Variants in ZSWIM3 observed in about 807,000 individuals in gnomAD.
ZSWIM3 encodes the protein zinc finger SWIM domain-containing protein 3.
ZSWIM3 carries 27 observed loss-of-function variants against 47.5 expected under a neutral mutation model. The ratio of observed to expected loss-of-function variants is 0.57; its 90% CI spans 0.42 to 0.78. ZSWIM3 has a LOEUF of 0.78. Among genes scored for constraint, ZSWIM3 ranks in the 30% least tolerant of loss-of-function variants. The pLI, the probability that ZSWIM3 is intolerant of heterozygous loss-of-function variation, is 0.00. For missense variants in ZSWIM3, 689 were observed against 861.3 expected, an observed-to-expected ratio of 0.80 and a Z score of 2.50; for synonymous variants, 333 against 333.9, an observed-to-expected ratio of 1.00 and a Z score of 0.03.
intron 1 of ZSWIM3, among the ~76,000 whole-genome samples, chr20:45,860,552 CT>C (rs944361781): frequency 2.6e-5 from 4 of 151,064 alleles, no homozygotes; most frequent in Non-Finnish European, 5.9e-5. Flanking sequence ...TTTTCCTTTC[CT>C]TTTCCACCTC....
intron 1 of ZSWIM3, among the ~76,000 whole-genome samples, chr20:45,859,806 A>C (rs1985659255): frequency 6.7e-6 from 1 of 149,242 alleles, no homozygotes; most frequent in South Asian, 2.1e-4. Context: ...AAAAAAAAAA[A>C]AAAAAAAAAA....
At chr20:45,872,796 G>C (rs1232167249) in intron 1 of ZSWIM3, 5 of 1,289,236 alleles carry the variant, frequency 3.9e-6, no homozygotes, top group Admixed American at 4.6e-5. Flanking sequence ...AGCTAGAGAT[G>C]GCACCACCCC....
At chr20:45,871,874 AAAAG>A (rs1296329611) in intron 1 of ZSWIM3, among the ~76,000 whole-genome samples, 2 of 151,550 alleles carry the variant, frequency 1.3e-5, no homozygotes, top group Admixed American at 1.3e-4. Flanking sequence ...GAAAAAAAAA[AAAAG>A]AAAAAAAAAG....
intron 1 of ZSWIM3, among the ~76,000 whole-genome samples, chr20:45,869,975 C>T (rs956409817): frequency 1.4e-5 from 2 of 143,104 alleles, no homozygotes; most frequent in African/African-American, 2.6e-5. Context: ...ACCCAGGAGG[C>T]GGAGGTTACA....
intron 1 of ZSWIM3, among the ~76,000 whole-genome samples, chr20:45,861,605 C>G (rs898333599): frequency 2.0e-5 from 3 of 152,080 alleles, no homozygotes; most frequent in Admixed American, 2.0e-4. Context: ...GACAAGGTCT[C>G]GCTCTATTGC....
rs201433414 is a variant in ZSWIM3, at chr20:45,857,794, A to T, written c.-32A>T. 4.8e-5 allele frequency: 78 copies of T among 1,609,360 alleles called. No homozygotes were observed. In the East Asian group the frequency reaches 1.4e-3, roughly 29 times the overall value. On this transcript the variant is annotated 5_prime_UTR_variant, in exon 1 of 2. Transcript: ENST00000255152. ...GGTGTGATCTTGGGCCCGGGCTGGG[A>T]CCAGCCCCTAGTGTGGGTTGTGGGG...
chr20:45,874,725 AGCTAAGCACTCTGCT>A (rs532795276), intron 1 of ZSWIM3, among the ~76,000 whole-genome samples: 257 of 152,274 alleles, frequency 1.7e-3, no homozygotes, highest in African/African-American at 5.7e-3. Flanking sequence ...GGGAGTAACC[AGCTAAGCACTCTGCT>A]GCTGCTGCTT....
chr20:45,869,641 G>A (rs1985922218), intron 1 of ZSWIM3, among the ~76,000 whole-genome samples: 1 of 152,148 alleles, frequency 6.6e-6, no homozygotes, highest in African/African-American at 2.4e-5. Flanking sequence ...AAAGGTCATT[G>A]TCTCAGTGGC....
chr20:45,872,868 T>C, intron 1 of ZSWIM3: 13 of 1,232,740 alleles, frequency 1.1e-5, no homozygotes, highest in Non-Finnish European at 1.4e-5. Flanking sequence ...CCTGTTACTG[T>C]GAGACTCACA....
intron 1 of ZSWIM3, among the ~76,000 whole-genome samples, chr20:45,864,900 G>A (rs991932750): frequency 2.0e-5 from 3 of 152,140 alleles, no homozygotes; most frequent in African/African-American, 7.2e-5. Context: ...GCCGGGCGTG[G>A]TGGCTCACGC....
At position 45,876,951 on chromosome 20, in the gene ZSWIM3, G is replaced by C; in HGVS notation, c.393G>C (p.Gln131His). 1 of 1,614,052 alleles carries C rather than the reference G, an allele frequency of 6.2e-7. No individual in the cohort carries two copies. The highest frequency in any genetic ancestry group is 1.3e-5 in the African/African-American group (1 of 75,026). Residue 131 changes from glutamine (Q) to histidine (H), a missense_variant, in exon 2 of 2, where the codon CAG becomes CAC. Transcript: ENST00000255152. ...GCCTGCAGAGACTCCAGCCTGTGCA[G>C]CCCACAACCAAAAAAGACCTTGACA... is the stretch of plus-strand genomic sequence containing the variant. ...TMCLQRLQPV[Q>H]PTTKKDLDTA...
At chr20:45,861,319 G>A (rs1008285720) in intron 1 of ZSWIM3, among the ~76,000 whole-genome samples, 3 of 152,068 alleles carry the variant, frequency 2.0e-5, no homozygotes, top group South Asian at 2.1e-4. Context: ...TGGAGGCTGC[G>A]GCAGGAGGAT....
Position 45,876,581 on chromosome 20 carries a change from C to T in ZSWIM3, c.156-133C>T, listed in dbSNP as rs1437849610. 4.6e-6 allele frequency: 5 copies of T among 1,092,332 alleles called. No individual in the cohort carries two copies. The African/African-American group carries it at 7.9e-5, about 17-fold the overall frequency. 67.7% of individuals were successfully genotyped at this position (1,092,332 alleles called of 1,614,324 possible). A position where few individuals can be genotyped will look rare whatever the true frequency, so the allele number is the denominator to read the frequency against. On this transcript the variant is annotated intron_variant, in intron 1 of 1. Coordinates refer to ENST00000255152, the MANE Select transcript of ZSWIM3 (RefSeq NM_080752.4). Reference sequence around the variant, plus strand: ...CTCAGACTCCTGGGCTCAAGTGATCCTCCCACCTCAGCCTCCCAAAGTGCT... The same window carrying T: ...CTCAGACTCCTGGGCTCAAGTGATCTTCCCACCTCAGCCTCCCAAAGTGCT...
intron 1 of ZSWIM3, among the ~76,000 whole-genome samples, chr20:45,870,264 C>T (rs923125766): frequency 2.6e-5 from 4 of 151,376 alleles, no homozygotes; most frequent in South Asian, 2.1e-4. Flanking sequence ...CGCTTGAACC[C>T]GGGAGGCGGA....
chr20:45,863,960 T>A (rs527934383), intron 1 of ZSWIM3, among the ~76,000 whole-genome samples: 1 of 152,344 alleles, frequency 6.6e-6, no homozygotes, highest in South Asian at 2.1e-4. Context: ...ATGGCACCAC[T>A]GCACTCCAGC....
Position 45,878,007 on chromosome 20 carries a change from G to A in ZSWIM3, c.1449G>A (p.Gln483=), listed in dbSNP as rs1350848543. The stretch of plus-strand genomic sequence containing the variant: ...ACGCACAGCAGGTACAGGTACAGCA[G>A]CAGTCACAAGTGCCGCCCTCGCAGG... ...KPDAQQVQVQ[Q]QSQVPPSQVG... Residue 483 remains glutamine (Q), a synonymous_variant, in exon 2 of 2, where the codon CAG becomes CAA. Coordinates refer to ENST00000255152, the MANE Select transcript of ZSWIM3 (RefSeq NM_080752.4). 3 of 1,614,162 alleles carry A rather than the reference G, an allele frequency of 1.9e-6. No individual in the cohort carries two copies. The highest frequency in any genetic ancestry group is 2.2e-5 in the East Asian group (1 of 44,882).
At position 45,878,346 on chromosome 20, in the gene ZSWIM3, G is replaced by A. The variant is rs1986158394; in HGVS notation, c.1788G>A (p.Gly596=). 1.9e-6 allele frequency: 3 copies of A among 1,614,222 alleles called. No individual in the cohort carries two copies. Among genetic ancestry groups the A allele is most frequent in the East Asian group, 4.5e-5 (2 of 44,892 alleles). ...ACCAGTACCTCCTTGGGCCCAATGG[G>A]GAGCTCCAGGATCGTGGTATGGTCC... ...KKYQYLLGPN[G]ELQDRGMVPN... is the part of the protein sequence containing the mutation. The change falls in exon 2 of 2, where the codon GGG becomes GGA. Residue 596 remains glycine (G), a synonymous_variant. Transcript: ENST00000255152.
chr20:45,876,628 T>G (rs1401638725), intron 1 of ZSWIM3, 86 bp from the exon 2 acceptor site: 2 of 1,509,234 alleles, frequency 1.3e-6, no homozygotes, highest in Non-Finnish European at 1.8e-6. Flanking sequence ...CATGAGCCAC[T>G]GTACCCAGCC....
chr20:45,872,641 C>T, intron 1 of ZSWIM3: 1 of 1,134,254 alleles, frequency 8.8e-7, no homozygotes, highest in South Asian at 1.4e-5. Context: ...ATGGTGAACA[C>T]ACAAAGTTGT....
Sources: allele counts gnomAD v4.1 joint callset (sites outside exome capture counted in the v4.1 genomes callset), GRCh38; gene constraint gnomAD v4.1.1; transcripts MANE v1.5; gene names NCBI Gene and HGNC (gene_info 2026-07-23, HGNC 2026-07-21).